The following CTCF variants were observed in gnomAD, a reference collection of about 807,000 sequenced individuals.
CTCF encodes the protein CCCTC-binding factor, also known as transcriptional repressor CTCF.
A neutral mutation model predicts 72.3 loss-of-function variants in CTCF; 7 were observed. The observed-to-expected ratio is 0.10, with a 90% CI of 0.06 to 0.18. The LOEUF (loss-of-function observed/expected upper bound fraction) is 0.18. Among genes scored for constraint, CTCF ranks in the 10% least tolerant of loss-of-function variants. CTCF has a pLI of 1.00. For missense variants in CTCF, 516 were observed against 949.1 expected (o/e 0.54, Z 6.00); for synonymous variants, 374 against 315.8 (o/e 1.18, Z -1.95).
intron 2 of CTCF, among the ~76,000 whole-genome samples, chr16:67,582,545 C>T (rs1597687838): frequency 6.6e-6 from 1 of 151,928 alleles, no homozygotes; most frequent in East Asian, 2.0e-4. Context: ...ATATAAAAAT[C>T]AGCCGAATAT....
At chr16:67,621,675 C>T (rs1001098132) in intron 7 of CTCF, 84 bp downstream of exon 7, 29 of 1,008,446 alleles carry the variant, frequency 2.9e-5, no homozygotes, top group Non-Finnish European at 3.8e-5. Context: ...ATAACTTCAC[C>T]TTCTGACTCT....
At chr16:67,590,186 T>C (rs1443946122) in intron 2 of CTCF, among the ~76,000 whole-genome samples, 1 of 152,040 alleles carries the variant, frequency 6.6e-6, no homozygotes, top group African/African-American at 2.4e-5. Flanking sequence ...AAAGAATTAT[T>C]GTCTAGCCTT....
intron 2 of CTCF, among the ~76,000 whole-genome samples, chr16:67,609,826 G>T (rs1028784413): frequency 6.6e-6 from 1 of 151,788 alleles, no homozygotes; most frequent in Non-Finnish European, 1.5e-5. Flanking sequence ...GGGTTTCACC[G>T]TGTTAGCCAG....
chr16:67,636,789 C>T lies in CTCF; in HGVS notation c.1937C>T (p.Pro646Leu), dbSNP rs770226587. Reference sequence around the variant, plus strand: ...CCTCAGCCTGTGACCCCAGCCCCACCACCCGCCAAGAAGCGGAGAGGACGA... The same window carrying T: ...CCTCAGCCTGTGACCCCAGCCCCACTACCCGCCAAGAAGCGGAGAGGACGA... ...PEPQPVTPAP[P>L]PAKKRRGRPP... Residue 646 changes from proline to leucine, a missense_variant, in exon 11 of 12, where the codon CCA (proline) becomes CTA (leucine). This residue lies in a region of CTCF where 157 missense variants were observed against 172.9 expected (regional missense o/e 0.91). Coordinates refer to ENST00000264010, the MANE Select transcript of CTCF (RefSeq NM_006565.4). 1 of 1,603,208 alleles carries T rather than the reference C, an allele frequency of 6.2e-7. No homozygotes were observed. The highest frequency in any genetic ancestry group is 8.5e-7 in the Non-Finnish European group (1 of 1,174,784).
At chr16:67,567,216 C>T (rs927795055) in intron 1 of CTCF, among the ~76,000 whole-genome samples, 1 of 152,170 alleles carries the variant, frequency 6.6e-6, no homozygotes, top group Admixed American at 6.6e-5. Flanking sequence ...TGCATTTTCT[C>T]AGTGATTTAA....
Position 67,636,684 on chromosome 16 carries a change from G to A in CTCF, c.1838-6G>A. ...CACCACCTGTGCTTCCTGATTTCATGAAAAGAAAATGCTGAACCAGATCTG... is the reference window on the plus strand; with the variant it reads ...CACCACCTGTGCTTCCTGATTTCATAAAAAGAAAATGCTGAACCAGATCTG... On this transcript the variant is annotated splice_polypyrimidine_tract_variant and splice_region_variant and intron_variant, in intron 10 of 11. Transcript: ENST00000264010. The A allele has an allele frequency of 1.3e-6, 2 of 1,581,318 alleles. No homozygotes were observed. The highest frequency in any genetic ancestry group is 8.6e-7 in the Non-Finnish European group (1 of 1,162,378).
intron 2 of CTCF, among the ~76,000 whole-genome samples, chr16:67,600,220 T>A (rs1292898174): frequency 6.6e-6 from 1 of 151,984 alleles, no homozygotes; most frequent in Non-Finnish European, 1.5e-5. Flanking sequence ...GGACAGATAT[T>A]TAAATTTATT....
chr16:67,607,605 C>G (rs2051993846), intron 2 of CTCF, among the ~76,000 whole-genome samples: 1 of 151,958 alleles, frequency 6.6e-6, no homozygotes, highest in African/African-American at 2.4e-5. Flanking sequence ...CGTGCCCGGC[C>G]CATTCACAAG....
intron 10 of CTCF, among the ~76,000 whole-genome samples, chr16:67,631,862 C>T (rs1477574730): frequency 6.6e-6 from 1 of 151,670 alleles, no homozygotes; most frequent in Non-Finnish European, 1.5e-5. Flanking sequence ...CACCTTAGCT[C>T]AGGAGTTCAA....
Position 67,610,879 on chromosome 16 carries a change from T to C in CTCF, c.47T>C (p.Phe16Ser). The C allele has an allele frequency of 6.7e-7, 1 of 1,502,628 alleles. No individual in the cohort carries two copies. Among genetic ancestry groups the C allele is most frequent in the Admixed American group, 2.3e-5 (1 of 44,106 alleles). The allele number at this position is 1,502,628 out of a possible 1,614,324, so 93.1% of individuals were successfully genotyped here. ...VEAIVEESET[F>S]IKGKERKTYQ... ...GCCATTGTGGAGGAGTCCGAAACTT[T>C]TATTAAAGGAAAGGAGAGAAAGACT... Residue 16 changes from phenylalanine (F) to serine (S), a missense_variant, in exon 3 of 12, where the codon TTT (phenylalanine) becomes TCT (serine). Physicochemically the swap from Phe to Ser is radical, Grantham distance 155 (BLOSUM62 -2). Around this residue, in one of 7 missense-constraint regions of CTCF, gnomAD observed 148 missense variants for 194.9 expected, o/e 0.76. Coordinates refer to ENST00000264010, the MANE Select transcript of CTCF (RefSeq NM_006565.4).
intron 2 of CTCF, among the ~76,000 whole-genome samples, chr16:67,582,051 G>A (rs999021314): frequency 4.0e-5 from 6 of 151,706 alleles, no homozygotes; most frequent in Non-Finnish European, 5.9e-5. Flanking sequence ...GTGAAACCCC[G>A]TCTCTACTAA....
intron 10 of CTCF, among the ~76,000 whole-genome samples, chr16:67,632,522 C>G (rs546126821): frequency 6.6e-6 from 1 of 152,256 alleles, no homozygotes; most frequent in Admixed American, 6.5e-5. Context: ...TTGTCCTGAC[C>G]CAGAAGTTCT....
At chr16:67,636,502 C>T (rs1352836696) in intron 10 of CTCF, among the ~76,000 whole-genome samples, 188 bp from the exon 11 acceptor site, 4 of 147,540 alleles carry the variant, frequency 2.7e-5, no homozygotes, top group Admixed American at 6.8e-5. Flanking sequence ...GAGCCGAGAT[C>T]GCGCCACTGC....
chr16:67,624,452 C>A (rs1455880763), intron 7 of CTCF, among the ~76,000 whole-genome samples: 1 of 152,086 alleles, frequency 6.6e-6, no homozygotes, highest in Non-Finnish European at 1.5e-5. Flanking sequence ...GTTGACAGTA[C>A]CCTCTTCCTT....
chr16:67,579,210 G>A (rs1201819442), intron 2 of CTCF, among the ~76,000 whole-genome samples: 2 of 149,044 alleles, frequency 1.3e-5, no homozygotes, highest in African/African-American at 2.5e-5. Context: ...AGCCGAGATC[G>A]CCATTGCACT....
intron 2 of CTCF, among the ~76,000 whole-genome samples, chr16:67,576,678 T>G (rs983344638): frequency 6.6e-6 from 1 of 150,650 alleles, no homozygotes; most frequent in Admixed American, 6.7e-5. Flanking sequence ...CTCAGCCTCC[T>G]GAGTAGCTAG....
At chr16:67,615,437 A>G (rs745686078) in intron 4 of CTCF, 1 of 152,192 alleles carries the variant, frequency 6.6e-6, no homozygotes, top group Non-Finnish European at 1.5e-5. Flanking sequence ...GCAACGTGGC[A>G]AGACTCCATC....
intron 2 of CTCF, among the ~76,000 whole-genome samples, chr16:67,575,956 G>A (rs2142728070): frequency 6.7e-6 from 1 of 148,178 alleles, no homozygotes; most frequent in South Asian, 2.1e-4. Context: ...AAAGATGAAT[G>A]TCAGCCTGGG....
Position 67,626,562 on chromosome 16 carries a change from C to T in CTCF, c.1365C>T (p.His455=). 6.7e-7 allele frequency: 1 copy of T among 1,483,662 alleles called. No homozygotes were observed. The highest frequency in any genetic ancestry group is 1.4e-5 in the South Asian group (1 of 72,546). The allele number at this position is 1,483,662 out of a possible 1,614,324, so 91.9% of individuals were successfully genotyped here. The change falls in exon 8 of 12, where the codon CAC becomes CAT. Residue 455 remains histidine (H), a synonymous_variant. Coordinates refer to ENST00000264010, the MANE Select transcript of CTCF (RefSeq NM_006565.4). ...TTTTTACTGTGCTTTCAGGTGTCCA[C>T]TTGCGAAAGCAGCATTCCTATATTG... ...VIARKSDLGV[H]LRKQHSYIEQ...
Sources: allele counts gnomAD v4.1 joint callset (sites outside exome capture counted in the v4.1 genomes callset), GRCh38; gene constraint gnomAD v4.1.1; regional missense constraint gnomAD v4.1.1; transcripts MANE v1.5; gene names NCBI Gene and HGNC (gene_info 2026-07-23, HGNC 2026-07-21).